THSD7B: variants seen among roughly 807,000 people sequenced by gnomAD.
THSD7B encodes the protein thrombospondin type-1 domain-containing protein 7B.
A neutral mutation model predicts 213.6 loss-of-function variants in THSD7B; 138 were observed. The ratio of observed to expected loss-of-function variants is 0.65; its 90% CI spans 0.56 to 0.74. The LOEUF is 0.74. THSD7B is among the 30% of genes least tolerant of loss of function. The pLI is 0.00. For missense variants in THSD7B, 1,931 were observed against 1,991.5 expected (o/e 0.97, Z 0.58); for synonymous variants, 742 against 687.0 (o/e 1.08, Z -1.25).
chr2:137,515,224 T>C (rs935728427), intron 15 of THSD7B, among the ~76,000 whole-genome samples: 1 of 152,072 alleles, frequency 6.6e-6, no homozygotes, highest in African/African-American at 2.4e-5. Flanking sequence ...GTTTGTAAAC[T>C]CTGGTTAACT....
intron 5 of THSD7B, among the ~76,000 whole-genome samples, chr2:137,152,006 A>T (rs1679828460): frequency 2.2e-5 from 3 of 137,638 alleles, no homozygotes; most frequent in South Asian, 2.3e-4. Context: ...AGCTACCTTA[A>T]TTTTTTTTTT....
At chr2:136,899,540 C>T (rs1329795421) in intron 2 of THSD7B, among the ~76,000 whole-genome samples, 11 of 152,126 alleles carry the variant, frequency 7.2e-5, no homozygotes, top group Non-Finnish European at 1.6e-4. Context: ...TATTTAGGTC[C>T]CTCAATGGTG....
chr2:137,562,117 A>T (rs1681131381), intron 15 of THSD7B, among the ~76,000 whole-genome samples: 1 of 152,146 alleles, frequency 6.6e-6, no homozygotes, highest in Non-Finnish European at 1.5e-5. Context: ...CTTCCTTTGC[A>T]TTTAGTAAAA....
At chr2:137,115,655 A>C (rs1353410249) in intron 5 of THSD7B, among the ~76,000 whole-genome samples, 4 of 152,064 alleles carry the variant, frequency 2.6e-5, no homozygotes, top group Admixed American at 6.5e-5. Context: ...AGGAATTTTT[A>C]TGTGTGTGAA....
At chr2:137,142,264 C>A (rs1163324047) in intron 5 of THSD7B, among the ~76,000 whole-genome samples, 2 of 152,044 alleles carry the variant, frequency 1.3e-5, no homozygotes, top group African/African-American at 4.8e-5. Flanking sequence ...TATCACATGG[C>A]AGAAGGACAG....
intron 17 of THSD7B, among the ~76,000 whole-genome samples, chr2:137,609,953 T>A (rs1035047610): frequency 1.3e-5 from 2 of 152,050 alleles, no homozygotes; most frequent in Non-Finnish European, 2.9e-5. Context: ...TTGTAAGGTG[T>A]AAGAAAAATA....
At chr2:137,601,472 C>T (rs1682075304) in intron 17 of THSD7B, among the ~76,000 whole-genome samples, 1 of 152,146 alleles carries the variant, frequency 6.6e-6, no homozygotes, top group African/African-American at 2.4e-5. Flanking sequence ...GTATTCTGTA[C>T]AGGTTTGTAG....
intron 15 of THSD7B, among the ~76,000 whole-genome samples, chr2:137,560,609 G>GC (rs1432782735): frequency 6.6e-6 from 1 of 152,098 alleles, no homozygotes; most frequent in African/African-American, 2.4e-5. Flanking sequence ...TATACCTAAT[G>GC]TAAATGACGA....
At chr2:137,004,287 G>A (rs1486550802) in intron 2 of THSD7B, among the ~76,000 whole-genome samples, 1 of 140,718 alleles carries the variant, frequency 7.1e-6, no homozygotes, top group East Asian at 2.1e-4. Flanking sequence ...CCCAGTGTGT[G>A]TGCACACGTA....
At chr2:137,671,458 T>G (rs574269951) in intron 27 of THSD7B, among the ~76,000 whole-genome samples, 1 of 71,644 alleles carries the variant, frequency 1.4e-5, no homozygotes, top group Non-Finnish European at 2.8e-5. Context: ...AGAGATTTAA[T>G]TGACTCAACA....
chr2:137,673,506 G>T (rs1410622785), intron 27 of THSD7B, among the ~76,000 whole-genome samples: 1 of 152,150 alleles, frequency 6.6e-6, no homozygotes, highest in Non-Finnish European at 1.5e-5. Flanking sequence ...TAGTGAGTGA[G>T]GGAGGTGAAC....
chr2:137,628,740 A>G (rs1682683416), intron 20 of THSD7B, among the ~76,000 whole-genome samples: 1 of 152,246 alleles, frequency 6.6e-6, no homozygotes, highest in Admixed American at 6.5e-5. Flanking sequence ...AAAGTCCTGT[A>G]TTGTGAACAT....
intron 4 of THSD7B, among the ~76,000 whole-genome samples, chr2:137,112,884 G>A (rs1363275648): frequency 6.6e-6 from 1 of 151,936 alleles, no homozygotes; most frequent in South Asian, 2.1e-4. Context: ...TATATGTCAG[G>A]CTCAATGATT....
At chr2:137,474,935 C>G (rs555665489) in intron 15 of THSD7B, among the ~76,000 whole-genome samples, 79 of 152,234 alleles carry the variant, frequency 5.2e-4, no homozygotes, top group African/African-American at 1.8e-3. Flanking sequence ...TATCCCATTT[C>G]TATTCACTTC....
At chr2:137,142,407 C>A (rs371364302) in intron 5 of THSD7B, among the ~76,000 whole-genome samples, 1 of 152,122 alleles carries the variant, frequency 6.6e-6, no homozygotes, top group Non-Finnish European at 1.5e-5. Context: ...GGTAACTTTT[C>A]TCAATATCAT....
At chr2:137,488,157 G>T (rs1488939921) in intron 15 of THSD7B, among the ~76,000 whole-genome samples, 1 of 152,092 alleles carries the variant, frequency 6.6e-6, no homozygotes, top group Non-Finnish European at 1.5e-5. Flanking sequence ...ATACTATCCA[G>T]ACTGCATTGG....
At chr2:137,535,885 T>G (rs1680496396) in intron 15 of THSD7B, among the ~76,000 whole-genome samples, 2 of 151,392 alleles carry the variant, frequency 1.3e-5, no homozygotes, top group Admixed American at 1.3e-4. Flanking sequence ...GGGAACAGAC[T>G]TGGAGACAGA....
chr2:137,073,515 G>T (rs529364886), intron 3 of THSD7B, among the ~76,000 whole-genome samples: 169 of 152,164 alleles, frequency 1.1e-3, no homozygotes, highest in Non-Finnish European at 1.9e-3. Flanking sequence ...TATCAATTTT[G>T]TTGATCGTTC....
chr2:137,503,899 C>T (rs1679772496), intron 15 of THSD7B, among the ~76,000 whole-genome samples: 1 of 151,936 alleles, frequency 6.6e-6, no homozygotes, highest in Admixed American at 6.6e-5. Flanking sequence ...GTGGAATGCG[C>T]CTATAGTCCC....
Sources: allele counts gnomAD v4.1 joint callset (sites outside exome capture counted in the v4.1 genomes callset), GRCh38; gene constraint gnomAD v4.1.1; transcripts MANE v1.5; gene names NCBI Gene and HGNC (gene_info 2026-07-23, HGNC 2026-07-21).